The following CDKL2 variants were observed in gnomAD, a reference collection of about 807,000 sequenced individuals.
CDKL2 encodes cyclin dependent kinase like 2.
Under a neutral mutation model 63.9 loss-of-function variants are expected in CDKL2, and 64 were observed. The observed-to-expected ratio is 1.00, with a 90% CI of 0.82 to 1.23. The LOEUF is 1.23. Among genes scored for constraint, CDKL2 ranks in the 50% most tolerant of loss-of-function variants. CDKL2 has a pLI of 0.00. For synonymous variants in CDKL2, 211 were observed against 229.2 expected, an observed-to-expected ratio of 0.92 and a Z score of 0.72; for missense variants, 656 against 668.0, an observed-to-expected ratio of 0.98 and a Z score of 0.20.
At chr4:75,592,864 T>G (rs1050843241) in intron 10 of CDKL2, among the ~76,000 whole-genome samples, 2 of 152,202 alleles carry the variant, frequency 1.3e-5, no homozygotes, top group Non-Finnish European at 2.9e-5. Context: ...CTTAGTACTA[T>G]TATTTCACAG....
intron 12 of CDKL2, among the ~76,000 whole-genome samples, chr4:75,585,840 A>G (rs549909839): frequency 6.6e-6 from 1 of 152,338 alleles, no homozygotes; most frequent in Non-Finnish European, 1.5e-5. Flanking sequence ...AAAGATTTTA[A>G]CAGCACTCTT....
intron 2 of CDKL2, among the ~76,000 whole-genome samples, chr4:75,623,218 G>A (rs1262134119): frequency 2.0e-5 from 3 of 152,116 alleles, no homozygotes; most frequent in Admixed American, 6.5e-5. Flanking sequence ...GGCAGAGATT[G>A]CAATGAGTCA....
chr4:75,596,735 C>T (rs965922023), intron 9 of CDKL2, among the ~76,000 whole-genome samples, 200 bp downstream of exon 9: 3 of 152,326 alleles, frequency 2.0e-5, no homozygotes, highest in Non-Finnish European at 4.4e-5. Flanking sequence ...CCTACTTTCT[C>T]AGGACTTTGG....
At chr4:75,605,767 G>A (rs2148889296) in intron 4 of CDKL2, 133 bp from the exon 5 acceptor site, 3 of 609,512 alleles carry the variant, frequency 4.9e-6, no homozygotes, top group East Asian at 5.7e-5. Context: ...CTCAGATTTG[G>A]CATGCTCCAA....
chr4:75,607,831 G>C (rs955013951), intron 3 of CDKL2, among the ~76,000 whole-genome samples: 15 of 152,172 alleles, frequency 9.9e-5, no homozygotes, highest in Middle Eastern at 6.8e-3. Flanking sequence ...ATTTTTTTTT[G>C]AGACGGAGTC....
At chr4:75,609,571 A>G (rs1451491633) in intron 3 of CDKL2, among the ~76,000 whole-genome samples, 1 of 150,524 alleles carries the variant, frequency 6.6e-6, no homozygotes. Flanking sequence ...GCGCCATTGC[A>G]CTCCAGCCTG....
At chr4:75,599,643 T>C (rs1203502238) in intron 7 of CDKL2, among the ~76,000 whole-genome samples, 1 of 151,584 alleles carries the variant, frequency 6.6e-6, no homozygotes, top group Non-Finnish European at 1.5e-5. Flanking sequence ...CACAATTATC[T>C]ACTTACGTGA....
In CDKL2 at chr4:75,577,681, C is replaced by G. The variant is rs953629496; in HGVS notation, c.*1521G>C. ...AAAGTAGTAACTTTTTAATATGCAG[C>G]CTATTAATGCTGATACCCTAGTTTT... On this transcript the variant is annotated 3_prime_UTR_variant, in exon 14 of 14. Coordinates refer to ENST00000307465, the MANE Select transcript of CDKL2 (RefSeq NM_001330724.2). 6.6e-6 allele frequency among the ~76,000 whole-genome samples: 1 copy of G among 152,228 alleles called. No individual in the cohort carries two copies. The highest frequency in any genetic ancestry group is 3.4e-3 in the Middle Eastern group (1 of 294).
intron 12 of CDKL2, among the ~76,000 whole-genome samples, chr4:75,583,776 C>T (rs896253504): frequency 5.9e-5 from 9 of 151,396 alleles, no homozygotes; most frequent in East Asian, 1.9e-4. Context: ...ATGTAGACTA[C>T]GAAAAATTAG....
chr4:75,621,797 A>G (rs915857219), intron 2 of CDKL2, among the ~76,000 whole-genome samples: 1 of 152,232 alleles, frequency 6.6e-6, no homozygotes, highest in African/African-American at 2.4e-5. Flanking sequence ...TTTAAGGAAA[A>G]TAAAGGAAGT....
chr4:75,607,964 C>T (rs993974519), intron 3 of CDKL2, among the ~76,000 whole-genome samples: 3 of 151,776 alleles, frequency 2.0e-5, no homozygotes, highest in African/African-American at 4.8e-5. Flanking sequence ...TGGCGCCTGC[C>T]ACCACGCCCG....
At chr4:75,621,605 A>T (rs35728690) in intron 2 of CDKL2, among the ~76,000 whole-genome samples, 1 of 151,800 alleles carries the variant, frequency 6.6e-6, no homozygotes, top group African/African-American at 2.4e-5. Flanking sequence ...GCATGATCAT[A>T]GCACACCACA....
chr4:75,627,744 T>TC, intron 1 of CDKL2, among the ~76,000 whole-genome samples: 1 of 142,832 alleles, frequency 7.0e-6, no homozygotes. Context: ...TTTTTTTTTT[T>TC]TTTTTTTGAA....
rs376232984 is a variant in CDKL2, at chr4:75,625,787, C to T, written c.168+34G>A. ...TATTGCCAAAAAAGAAACTTATACTCATATTTTTTGATTCAATATATGCAT... is the reference window on the plus strand; with the variant it reads ...TATTGCCAAAAAAGAAACTTATACTTATATTTTTTGATTCAATATATGCAT... On this transcript the variant is annotated intron_variant, in intron 2 of 13. Transcript: ENST00000307465. The T allele has an allele frequency of 2.7e-6, 4 of 1,509,092 alleles. No homozygotes were observed. The Admixed American group carries it at 7.8e-5, about 29-fold the overall frequency. 93.5% of individuals were successfully genotyped at this position (1,509,092 alleles called of 1,614,324 possible).
chr4:75,584,932 T>A (rs978313718), intron 12 of CDKL2, among the ~76,000 whole-genome samples: 1 of 152,218 alleles, frequency 6.6e-6, no homozygotes, highest in Non-Finnish European at 1.5e-5. Context: ...AAGGGGGGAC[T>A]ACCACATCTC....
At chr4:75,585,088 T>C (rs944140854) in intron 12 of CDKL2, among the ~76,000 whole-genome samples, 4 of 152,088 alleles carry the variant, frequency 2.6e-5, no homozygotes, top group African/African-American at 7.2e-5. Context: ...AGGGTGAAAG[T>C]AAATGAAATC....
intron 1 of CDKL2, among the ~76,000 whole-genome samples, chr4:75,627,823 C>G (rs1730504316): frequency 6.9e-6 from 1 of 145,690 alleles, no homozygotes; most frequent in South Asian, 2.2e-4. Flanking sequence ...AAGCGATTCC[C>G]TGTTTCTGCC....
chr4:75,618,328 C>T (rs1730019065), intron 2 of CDKL2, among the ~76,000 whole-genome samples: 1 of 115,014 alleles, frequency 8.7e-6, no homozygotes, highest in Non-Finnish European at 1.6e-5. Context: ...CTCGGCTCAT[C>T]GCAACCTCCT....
At chr4:75,605,852 A>G (rs1729404977) in intron 4 of CDKL2, among the ~76,000 whole-genome samples, 1 of 152,150 alleles carries the variant, frequency 6.6e-6, no homozygotes, top group Admixed American at 6.5e-5. Context: ...TCTGGTCCCA[A>G]GCATTTAGGA....
Sources: gnomAD v4.1 joint callset for allele counts (sites outside exome capture counted in the v4.1 genomes callset) on GRCh38, gnomAD v4.1.1 for gene constraint, MANE v1.5 for transcripts, NCBI Gene and HGNC (gene_info 2026-07-23, HGNC 2026-07-21) for gene names.